Variants in BCR observed in about 807,000 individuals in gnomAD.
BCR encodes the protein BCR activator of RhoGEF and GTPase, also known as breakpoint cluster region protein.
BCR carries 58 observed loss-of-function variants against 138.6 expected under a neutral mutation model. That is an observed-to-expected ratio of 0.42 (90% confidence interval 0.34 to 0.52). BCR has a LOEUF of 0.52. Among genes scored for constraint, BCR ranks in the 20% least tolerant of loss-of-function variants. The pLI, the probability that BCR is intolerant of heterozygous loss-of-function variation, is 0.06. For missense variants in BCR, 1,599 were observed against 1,727.2 expected, an observed-to-expected ratio of 0.93 and a Z score of 1.32; for synonymous variants, 786 against 730.1, an observed-to-expected ratio of 1.08 and a Z score of -1.23.
At position 23,271,575 on chromosome 22, in the gene BCR, C is replaced by T; in HGVS notation, c.1904C>T (p.Thr635Ile). The T allele has an allele frequency of 6.2e-7, 1 of 1,614,082 alleles. No homozygotes were observed. Among genetic ancestry groups the T allele is most frequent in the Non-Finnish European group, 8.5e-7 (1 of 1,180,034 alleles). The part of the protein sequence containing the change: ...RSNKDAKDPT[T>I]KNSLETLLYK... ...AACAAAGATGCCAAGGATCCAACGA[C>T]CAAGAACTCTCTGGAAAGTGAGTTC... Residue 635 changes from threonine (T) to isoleucine (I), a missense_variant, in exon 6 of 23, where the codon ACC (threonine) becomes ATC (isoleucine). This residue lies in a region of BCR where 590 missense variants were observed against 762.4 expected (regional missense o/e 0.77). Coordinates refer to ENST00000305877, the MANE Select transcript of BCR (RefSeq NM_004327.4).
At chr22:23,223,182 G>C (rs2072846942) in intron 1 of BCR, among the ~76,000 whole-genome samples, 1 of 152,200 alleles carries the variant, frequency 6.6e-6, no homozygotes, top group East Asian at 1.9e-4. Flanking sequence ...GGGGGGTACA[G>C]TATTAAGTCC....
chr22:23,305,358 A>G (rs1386943037), intron 16 of BCR, among the ~76,000 whole-genome samples: 1 of 152,216 alleles, frequency 6.6e-6, no homozygotes, highest in Non-Finnish European at 1.5e-5. Context: ...GTTGTCTACA[A>G]GGAGCTAAGT....
intron 16 of BCR, 144 bp from the exon 17 acceptor site, chr22:23,309,280 T>C: frequency 2.6e-6 from 2 of 776,590 alleles, no homozygotes; most frequent in Non-Finnish European, 4.4e-6. Context: ...ACTCTACCTC[T>C]GTTGGCCTCT....
chr22:23,250,319 C>T (rs918935609), intron 1 of BCR, among the ~76,000 whole-genome samples: 1 of 152,246 alleles, frequency 6.6e-6, no homozygotes, highest in Non-Finnish European at 1.5e-5. Context: ...GTCTTAAGAT[C>T]GTCTTCAGAT....
At chr22:23,213,548 C>T (rs1465475965) in intron 1 of BCR, among the ~76,000 whole-genome samples, 2 of 152,168 alleles carry the variant, frequency 1.3e-5, no homozygotes, top group Admixed American at 1.3e-4. Flanking sequence ...GCAGGCTGAG[C>T]GTGGTGGCTC....
intron 15 of BCR, among the ~76,000 whole-genome samples, chr22:23,293,119 G>T (rs1285963310): frequency 6.6e-6 from 1 of 152,136 alleles, no homozygotes; most frequent in Non-Finnish European, 1.5e-5. Context: ...TTGGAGAGCT[G>T]CTGTGTGAGT....
chr22:23,300,412 T>C (rs1262742987), intron 16 of BCR, among the ~76,000 whole-genome samples: 1 of 152,250 alleles, frequency 6.6e-6, no homozygotes, highest in African/African-American at 2.4e-5. Flanking sequence ...CTGAGTAATA[T>C]TCCATTGTAT....
intron 5 of BCR, among the ~76,000 whole-genome samples, chr22:23,269,841 C>G (rs1184658077): frequency 2.0e-5 from 3 of 152,160 alleles, no homozygotes; most frequent in African/African-American, 7.2e-5. Context: ...GTTAAGCGGG[C>G]AAGTTCAAGT....
Position 23,268,500 on chromosome 22 carries a change from T to C in BCR, c.1845T>C (p.Phe615=), listed in dbSNP as rs1354579919. 2 of 1,613,678 alleles carry C rather than the reference T, an allele frequency of 1.2e-6. No individual in the cohort carries two copies. The highest frequency in any genetic ancestry group is 2.2e-5 in the East Asian group (1 of 44,898). Residue 615 remains phenylalanine, a synonymous_variant, in exon 5 of 23, where the codon TTT becomes TTC. Coordinates refer to ENST00000305877, the MANE Select transcript of BCR (RefSeq NM_004327.4). The stretch of plus-strand genomic sequence containing the variant: ...AGTGCTGTCAGGCCAATGCTCAGTT[T>C]GCAGAAATCTCCGAGGTAATGCCTT... The part of the protein sequence containing the change: ...AEKCCQANAQ[F]AEISENLRAR...
intron 4 of BCR, among the ~76,000 whole-genome samples, 164 bp from the exon 5 acceptor site, chr22:23,268,244 G>A (rs957871054): frequency 4.6e-5 from 7 of 152,184 alleles, no homozygotes; most frequent in Admixed American, 1.3e-4. Context: ...CGTGGGGAGG[G>A]GAGCAGGTGG....
In BCR at chr22:23,231,548, T is replaced by TAAAATAAATA. The variant is rs148906561; in HGVS notation, c.1280-22248_1280-22247insATAAATAAAA. Among the ~76,000 whole-genome samples, 70 of 137,856 alleles carry TAAAATAAATA rather than the reference T, an allele frequency of 5.1e-4. 1 individual carries two copies. The highest frequency in any genetic ancestry group is 1.6e-3 in the African/African-American group (60 of 37,498). 90.4% of individuals were successfully genotyped at this position (137,856 alleles called of 152,430 possible). A position where few individuals can be genotyped will look rare whatever the true frequency, so the allele number is the denominator to read the frequency against. ...TAAAATAAAATAAAATAAAATAAAA[T>TAAAATAAATA]AAATAAAATACCAACAGCCTGTGCT... On this transcript the variant is annotated intron_variant, in intron 1 of 22. Coordinates refer to ENST00000305877, the MANE Select transcript of BCR (RefSeq NM_004327.4).
chr22:23,210,693 T>C (rs2072671284), intron 1 of BCR, among the ~76,000 whole-genome samples: 1 of 152,216 alleles, frequency 6.6e-6, no homozygotes, highest in Admixed American at 6.5e-5. Context: ...TTTCTCCCCT[T>C]ACAGTTTAGC....
chr22:23,263,378 C>T (rs991944008), intron 4 of BCR: 12 of 1,240,572 alleles, frequency 9.7e-6, no homozygotes, highest in Admixed American at 5.2e-5. Flanking sequence ...TCACGCGGCT[C>T]GGCACCAACC....
chr22:23,204,086 G>T (rs774827060), intron 1 of BCR, among the ~76,000 whole-genome samples: 1 of 152,132 alleles, frequency 6.6e-6, no homozygotes, highest in Non-Finnish European at 1.5e-5. Flanking sequence ...TCATGGGCTT[G>T]GGGAGGAAAG....
At chr22:23,268,851 T>G (rs1312470446) in intron 5 of BCR, among the ~76,000 whole-genome samples, 1 of 152,202 alleles carries the variant, frequency 6.6e-6, no homozygotes, top group African/African-American at 2.4e-5. Context: ...TGAGGCTGAC[T>G]TTGTACCTGG....
intron 1 of BCR, among the ~76,000 whole-genome samples, chr22:23,188,906 A>C (rs1324858983): frequency 6.6e-6 from 1 of 152,134 alleles, no homozygotes; most frequent in Admixed American, 6.6e-5. Context: ...TCACTCTGTC[A>C]CCTAGGCTGG....
rs2072245419 is a variant in BCR at position 23,181,075 on chromosome 22, A to G, written c.115A>G (p.Lys39Glu). 1 of 1,520,398 alleles carries G rather than the reference A, an allele frequency of 6.6e-7. No homozygotes were observed. Among genetic ancestry groups the G allele is most frequent in the Non-Finnish European group, 8.9e-7 (1 of 1,128,606 alleles). The allele number at this position is 1,520,398 out of a possible 1,614,324, so 94.2% of individuals were successfully genotyped here. A position where few individuals can be genotyped will look rare whatever the true frequency, so the allele number is the denominator to read the frequency against. The change falls in exon 1 of 23, where the codon AAG (lysine) becomes GAG (glutamate). Residue 39 changes from lysine (K) to glutamate (E), a missense_variant. By Grantham distance (56) the Lys-to-Glu change is moderately conservative. This residue lies in a region of BCR where 806 missense variants were observed against 635.0 expected (regional missense o/e 1.27). Coordinates refer to ENST00000305877, the MANE Select transcript of BCR (RefSeq NM_004327.4). ...CATCGAGCAGGAGCTGGAGCGCTGC[A>G]AGGCCTCCATTCGGCGCCTGGAGCA... is the stretch of plus-strand genomic sequence containing the variant. ...GDIEQELERC[K>E]ASIRRLEQEV...
chr22:23,284,813 T>C (rs2073691795), intron 9 of BCR, among the ~76,000 whole-genome samples: 1 of 152,232 alleles, frequency 6.6e-6, no homozygotes, highest in Non-Finnish European at 1.5e-5. Flanking sequence ...ACTCCTGAGA[T>C]GCCTGGGGCC....
rs943155928 is a variant in BCR at position 23,240,902 on chromosome 22, A to G, written c.1280-12897A>G. Among the ~76,000 whole-genome samples the G allele has an allele frequency of 9.9e-5, 15 of 152,254 alleles. No homozygotes were observed. The East Asian group carries it at 2.9e-3, about 29-fold the overall frequency. On this transcript the variant is annotated intron_variant, in intron 1 of 22. Coordinates refer to ENST00000305877, the MANE Select transcript of BCR (RefSeq NM_004327.4). ...CTGTCTCTATGAATTTGACTACTCT[A>G]GGAACCTCATATACGTGGAATCTTA...
Sources: allele counts gnomAD v4.1 joint callset (sites outside exome capture counted in the v4.1 genomes callset), GRCh38; gene constraint gnomAD v4.1.1; regional missense constraint gnomAD v4.1.1; transcripts MANE v1.5; gene names NCBI Gene and HGNC (gene_info 2026-07-23, HGNC 2026-07-21).